POTEC: variants seen among roughly 807,000 people sequenced by gnomAD.
POTEC encodes ANKRD26-like family B member 2.
In POTEC, 35 loss-of-function variants were observed where a neutral mutation model predicts 62.0. The ratio of observed to expected loss-of-function variants is 0.56; its 90% confidence interval spans 0.43 to 0.75. POTEC has a LOEUF of 0.75. Among genes scored for constraint, POTEC ranks in the 30% least tolerant of loss-of-function variants. The pLI, the probability that POTEC is intolerant of heterozygous loss-of-function variation, is 0.00. For missense variants in POTEC, 472 were observed against 655.9 expected, an observed-to-expected ratio of 0.72 and a Z score of 3.06; for synonymous variants, 156 against 221.5, an observed-to-expected ratio of 0.70 and a Z score of 2.62.
At chr18:14,512,111 T>G (rs1277709473) in intron 10 of POTEC, 118 bp from the exon 11 acceptor site, 21 of 802,254 alleles carry the variant, frequency 2.6e-5, no homozygotes, top group Non-Finnish European at 3.8e-5. Context: ...ATAGTGGATA[T>G]TTAACTGGAA....
intron 9 of POTEC, among the ~76,000 whole-genome samples, chr18:14,518,389 G>A (rs1239559242): frequency 2.6e-5 from 4 of 151,574 alleles, no homozygotes; most frequent in South Asian, 2.1e-4. Flanking sequence ...AGTCCCTGCT[G>A]AGAAAGGGGA....
At chr18:14,542,572 T>C in intron 1 of POTEC, 54 bp downstream of exon 1, 1 of 1,609,806 alleles carries the variant, frequency 6.2e-7, no homozygotes, top group South Asian at 1.1e-5. Flanking sequence ...GCCAGGAGGG[T>C]ATGTCCCCAT....
intron 6 of POTEC, among the ~76,000 whole-genome samples, chr18:14,527,545 A>G (rs934503890): frequency 1.3e-5 from 2 of 151,950 alleles, no homozygotes; most frequent in African/African-American, 4.8e-5. Context: ...GTTAAATACT[A>G]GTGTACAACG....
intron 1 of POTEC, among the ~76,000 whole-genome samples, chr18:14,540,622 C>A (rs894157709): frequency 1.3e-5 from 2 of 152,134 alleles, no homozygotes; most frequent in African/African-American, 4.8e-5. Context: ...TTCATAAAAT[C>A]TTTATATGAG....
intron 4 of POTEC, 99 bp from the exon 5 acceptor site, chr18:14,533,297 T>C (rs1296977037): frequency 1.3e-6 from 2 of 1,547,100 alleles, no homozygotes; most frequent in Non-Finnish European, 8.7e-7. Context: ...TGCCTGTCCA[T>C]GCAGAATCAA....
At chr18:14,532,396 A>C (rs1386872214) in intron 5 of POTEC, among the ~76,000 whole-genome samples, 1 of 152,084 alleles carries the variant, frequency 6.6e-6, no homozygotes, top group East Asian at 1.9e-4. Flanking sequence ...GCATATAAGC[A>C]TAGGTAAGGG....
At chr18:14,513,055 A>G (rs1040172308) in intron 10 of POTEC, among the ~76,000 whole-genome samples, 1 of 152,256 alleles carries the variant, frequency 6.6e-6, no homozygotes, top group Non-Finnish European at 1.5e-5. Flanking sequence ...TAGGGGAAAC[A>G]TACTCAACTA....
chr18:14,523,951 C>A (rs910316422), intron 7 of POTEC, among the ~76,000 whole-genome samples: 21 of 152,264 alleles, frequency 1.4e-4, no homozygotes, highest in African/African-American at 5.1e-4. Flanking sequence ...CCTTGTAGTG[C>A]ACTGAAGTGC....
chr18:14,514,090 ACT>A (rs1300760925), intron 9 of POTEC, among the ~76,000 whole-genome samples: 3 of 151,086 alleles, frequency 2.0e-5, no homozygotes, highest in African/African-American at 7.3e-5. Context: ...TAATTATATA[ACT>A]CGCCATCATG....
chr18:14,525,122 T>G, intron 6 of POTEC, 139 bp from the exon 7 acceptor site: 1 of 1,325,266 alleles, frequency 7.5e-7, no homozygotes, highest in East Asian at 2.6e-5. Context: ...AAATAGTTAC[T>G]TAGGAAATAA....
At position 14,543,313 on chromosome 18, in the gene POTEC, G is replaced by A. The variant is rs1281990665; in HGVS notation, c.-167C>T. On this transcript the variant is annotated 5_prime_UTR_variant, in exon 1 of 11. Coordinates refer to ENST00000358970, the MANE Select transcript of POTEC (RefSeq NM_001137671.2). ...AAGGGAGCCCAGTCCACCCCACCCA[G>A]GGAAAACCCACACCCACCCGGGGAA... 5 of 1,266,042 alleles carry A rather than the reference G, an allele frequency of 3.9e-6. No homozygotes were observed. The highest frequency in any genetic ancestry group is 5.4e-6 in the Non-Finnish European group (5 of 927,094). 78.4% of individuals were successfully genotyped at this position (1,266,042 alleles called of 1,614,324 possible). A position where few individuals can be genotyped will look rare whatever the true frequency, so the allele number is the denominator to read the frequency against.
At chr18:14,538,831 A>T (rs1405010626) in intron 1 of POTEC, among the ~76,000 whole-genome samples, 1 of 152,206 alleles carries the variant, frequency 6.6e-6, no homozygotes, top group Non-Finnish European at 1.5e-5. Flanking sequence ...CATTTCTTAC[A>T]CGGAAATACC....
chr18:14,537,200 CACACACACACAAAAAAAA>C (rs1277204614), intron 3 of POTEC, among the ~76,000 whole-genome samples: 2 of 82,402 alleles, frequency 2.4e-5, no homozygotes, highest in Non-Finnish European at 4.4e-5. Context: ...CACACACACA[CACACACACACAAAAAAAA>C]AAAAAAACAA....
chr18:14,514,159 G>A lies in POTEC; in HGVS notation c.1410-374C>T, dbSNP rs138496067. The stretch of plus-strand genomic sequence containing the variant: ...CTGCAACTAGATGGTCTCATCTAGG[G>A]GTGACAGGAGATGGTGACAGATCAT... On this transcript the variant is annotated intron_variant, in intron 9 of 10. Coordinates refer to ENST00000358970, the MANE Select transcript of POTEC (RefSeq NM_001137671.2). Among the ~76,000 whole-genome samples, 617 of 151,996 alleles carry A rather than the reference G, an allele frequency of 4.1e-3. 5 individuals carry two copies. The highest frequency in any genetic ancestry group is 0.013 in the African/African-American group (546 of 41,446).
intron 5 of POTEC, 54 bp from the exon 6 acceptor site, chr18:14,530,607 A>C: frequency 7.7e-7 from 1 of 1,293,712 alleles, no homozygotes; most frequent in South Asian, 1.4e-5. Flanking sequence ...GATATAAAAA[A>C]TACTTACCAA....
intron 10 of POTEC, 79 bp downstream of exon 10, chr18:14,513,583 T>C: frequency 6.6e-7 from 1 of 1,512,336 alleles, no homozygotes. Flanking sequence ...GATTTAAAAA[T>C]CCTTTATACC....
chr18:14,516,125 T>TA (rs1910144419), intron 9 of POTEC, among the ~76,000 whole-genome samples: 1 of 150,026 alleles, frequency 6.7e-6, no homozygotes, highest in African/African-American at 2.5e-5. Flanking sequence ...TCTGTTAAAG[T>TA]AGATCTTACC....
At chr18:14,535,287 G>C (rs1168893605) in intron 3 of POTEC, among the ~76,000 whole-genome samples, 1 of 139,854 alleles carries the variant, frequency 7.2e-6, no homozygotes, top group African/African-American at 2.7e-5. Context: ...ACTTTTGGAT[G>C]ATTTTTTTTT....
chr18:14,533,360 T>C (rs1488012804), intron 4 of POTEC, among the ~76,000 whole-genome samples, 162 bp from the exon 5 acceptor site: 3 of 152,140 alleles, frequency 2.0e-5, no homozygotes, highest in Non-Finnish European at 4.4e-5. Context: ...AGAGTTCATC[T>C]TTGTAAAATA....
Sources: allele counts gnomAD v4.1 joint callset (sites outside exome capture counted in the v4.1 genomes callset), GRCh38; gene constraint gnomAD v4.1.1; transcripts MANE v1.5; gene names NCBI Gene and HGNC (gene_info 2026-07-23, HGNC 2026-07-21).